The following KCNC1 variants were observed in gnomAD, a reference collection of about 807,000 sequenced individuals.
The protein encoded by KCNC1 is voltage-gated potassium channel KCNC1.
Under a neutral mutation model 43.4 loss-of-function variants are expected in KCNC1, and 8 were observed. The ratio of observed to expected loss-of-function variants is 0.18; its 90% CI spans 0.11 to 0.33. The LOEUF is 0.33. Among genes scored for constraint, KCNC1 ranks in the 10% least tolerant of loss-of-function variants. KCNC1 has a pLI of 1.00. For missense variants in KCNC1, 420 were observed against 836.0 expected (o/e 0.50, Z 6.14); for synonymous variants, 361 against 360.5 (o/e 1.00, Z -0.01).
intron 1 of KCNC1, among the ~76,000 whole-genome samples, chr11:17,744,690 T>C (rs1301760748): frequency 6.6e-6 from 1 of 151,924 alleles, no homozygotes; most frequent in Non-Finnish European, 1.5e-5. Flanking sequence ...GGCCAACTTC[T>C]ATGGTGTAGG....
At chr11:17,768,688 G>T (rs1473007633) in intron 1 of KCNC1, among the ~76,000 whole-genome samples, 1 of 151,732 alleles carries the variant, frequency 6.6e-6, no homozygotes, top group Non-Finnish European at 1.5e-5. Flanking sequence ...CCAGCCTTCA[G>T]CCAGGATTGA....
At chr11:17,745,245 G>A (rs573743938) in intron 1 of KCNC1, among the ~76,000 whole-genome samples, 1 of 152,270 alleles carries the variant, frequency 6.6e-6, no homozygotes, top group African/African-American at 2.4e-5. Context: ...TCCTTCCTGA[G>A]GCTGAGGCTT....
At chr11:17,756,557 A>ACACG (rs1270907749) in intron 1 of KCNC1, among the ~76,000 whole-genome samples, 1 of 146,752 alleles carries the variant, frequency 6.8e-6, no homozygotes, top group Non-Finnish European at 1.5e-5. Flanking sequence ...ACACACACAC[A>ACACG]CGCATGTACA....
Position 17,776,221 on chromosome 11 carries a change from T to A in KCNC1, c.1505-3235T>A, listed in dbSNP as rs1417268622. 8 of 985,326 alleles carry A rather than the reference T, an allele frequency of 8.1e-6. No individual in the cohort carries two copies. The highest frequency in any genetic ancestry group is 8.4e-6 in the Non-Finnish European group (7 of 829,956). 61.0% of individuals were successfully genotyped at this position (985,326 alleles called of 1,614,324 possible). A position where few individuals can be genotyped will look rare whatever the true frequency, so the allele number is the denominator to read the frequency against. The stretch of plus-strand genomic sequence containing the variant: ...TCTCTCTCTCCACTAATCATGTTTC[T>A]CTCTCTCTCCTCGTTTTGTTGCATG... On this transcript the variant is annotated intron_variant, in intron 2 of 3. Transcript: ENST00000265969. The surrounding 1 kb of genome is among the most constrained non-coding windows in gnomAD (Gnocchi z 4.4).
At chr11:17,741,814 G>A (rs1368010308) in intron 1 of KCNC1, among the ~76,000 whole-genome samples, 1 of 152,124 alleles carries the variant, frequency 6.6e-6, no homozygotes, top group African/African-American at 2.4e-5. Flanking sequence ...CCTGCCTCAG[G>A]GCCTTTGCAC....
intron 2 of KCNC1, among the ~76,000 whole-genome samples, chr11:17,778,337 T>C (rs1849308036): frequency 6.6e-6 from 1 of 152,122 alleles, no homozygotes; most frequent in Non-Finnish European, 1.5e-5. Context: ...CCAGGCTTCT[T>C]CTCAGGCTGC....
chr11:17,750,785 C>T (rs1156535915), intron 1 of KCNC1, among the ~76,000 whole-genome samples: 2 of 152,190 alleles, frequency 1.3e-5, no homozygotes, highest in Non-Finnish European at 2.9e-5. Context: ...CCTGCTAGGC[C>T]GGCTCTCATG....
intron 1 of KCNC1, among the ~76,000 whole-genome samples, chr11:17,745,434 C>A (rs2336851): frequency 1.3e-5 from 2 of 152,048 alleles, no homozygotes; most frequent in South Asian, 2.1e-4. Context: ...TGCATCGCAC[C>A]CCTCCACAGC....
intron 1 of KCNC1, among the ~76,000 whole-genome samples, chr11:17,748,952 G>A (rs1034893388): frequency 2.0e-5 from 3 of 152,164 alleles, no homozygotes; most frequent in Admixed American, 2.0e-4. Context: ...AGAGAAGTTG[G>A]TGAGGGAGAC....
In KCNC1 at chr11:17,773,146, C is replaced by G; in HGVS notation, c.1504+548C>G. The G allele has an allele frequency of 1.0e-6, 1 of 988,480 alleles. No homozygotes were observed. The highest frequency in any genetic ancestry group is 1.2e-6 in the Non-Finnish European group (1 of 832,110). 61.2% of individuals were successfully genotyped at this position (988,480 alleles called of 1,614,324 possible). On this transcript the variant is annotated intron_variant, in intron 2 of 3. Coordinates refer to ENST00000265969, the MANE Select transcript of KCNC1 (RefSeq NM_001112741.2). This position sits in a 1 kb window ranked among gnomAD's most constrained non-coding sequence, Gnocchi z 4.1. ...CCCCCGGCAGAGCCTGTCTCCATAG[C>G]TGAGTAGAATTCCTGCCCTGATTTC...
chr11:17,755,502 CA>C (rs1333331514), intron 1 of KCNC1, among the ~76,000 whole-genome samples: 6 of 152,104 alleles, frequency 3.9e-5, no homozygotes, highest in African/African-American at 1.4e-4. Flanking sequence ...TGGGTGGTCA[CA>C]GCAGTGATGG....
At chr11:17,759,308 GGGA>G (rs966111625) in intron 1 of KCNC1, among the ~76,000 whole-genome samples, 1 of 152,220 alleles carries the variant, frequency 6.6e-6, no homozygotes, top group Admixed American at 6.5e-5. Context: ...TTTGGCTTAA[GGGA>G]ATGTTGTGGC....
rs193203620 is a variant in KCNC1, at chr11:17,749,266, G to A, written c.570+12694G>A. On this transcript the variant is annotated intron_variant, in intron 1 of 3. Transcript: ENST00000265969. ...AAGGCCCTCTGGCTCACTGCACTGCGAGCACTGGTGCGCACGTGATGCCCA... is the reference window on the plus strand; with the variant it reads ...AAGGCCCTCTGGCTCACTGCACTGCAAGCACTGGTGCGCACGTGATGCCCA... Among the ~76,000 whole-genome samples the A allele has an allele frequency of 6.9e-3, 1,053 of 152,368 alleles. 12 individuals carry two copies. The highest frequency in any genetic ancestry group is 8.3e-3 in the Non-Finnish European group (568 of 68,030).
At chr11:17,755,464 C>T (rs939904116) in intron 1 of KCNC1, among the ~76,000 whole-genome samples, 22 of 151,994 alleles carry the variant, frequency 1.4e-4, no homozygotes, top group Non-Finnish European at 2.6e-4. Context: ...TTACCATGAC[C>T]CGGGGGGAAA....
intron 1 of KCNC1, among the ~76,000 whole-genome samples, chr11:17,760,198 A>G (rs1370101883): frequency 3.3e-5 from 5 of 152,384 alleles, no homozygotes; most frequent in South Asian, 4.1e-4. Context: ...CAGGTAAAGG[A>G]TTCGCCTAGA....
rs374003579 is a variant in KCNC1 at position 17,779,717 on chromosome 11, G to A, written c.1693+73G>A. 105 of 1,226,402 alleles carry A rather than the reference G, an allele frequency of 8.6e-5. 1 individual carries two copies. In the South Asian group the frequency reaches 1.3e-3, roughly 15 times the overall value. The allele number at this position is 1,226,402 out of a possible 1,614,324, so 76.0% of individuals were successfully genotyped here. On this transcript the variant is annotated intron_variant, in intron 3 of 3. Transcript: ENST00000265969. This position sits in a 1 kb window ranked among gnomAD's most constrained non-coding sequence, Gnocchi z 7.2. The stretch of plus-strand genomic sequence containing the variant: ...GCTCCTGCAGATGGGTGGGCAGGGC[G>A]GCGGGCAAGGGCGCTGAGGGGCAGG...
chr11:17,760,608 C>A (rs1308806906), intron 1 of KCNC1, among the ~76,000 whole-genome samples: 1 of 152,156 alleles, frequency 6.6e-6, no homozygotes, highest in African/African-American at 2.4e-5. Context: ...CCCCTAGGGC[C>A]CTCTGTACCT....
At position 17,736,443 on chromosome 11, in the gene KCNC1, C is replaced by A; in HGVS notation, c.441C>A (p.Asp147Glu). 6.2e-7 allele frequency: 1 copy of A among 1,605,214 alleles called. No individual in the cohort carries two copies. The highest frequency in any genetic ancestry group is 8.5e-7 in the Non-Finnish European group (1 of 1,178,090). ...CTGGCGACTCGGGCGACGGCGAGGA[C>A]GAGCTGGAGATGACCAAGCGCCTGG... ...DGPGDSGDGE[D>E]ELEMTKRLAL... The change falls in exon 1 of 4, where the codon GAC (aspartate) becomes GAA (glutamate). Residue 147 changes from aspartate to glutamate, a missense_variant. Around this residue, in one of 5 missense-constraint regions of KCNC1, gnomAD observed 151 missense variants for 216.7 expected, o/e 0.70. Coordinates refer to ENST00000265969, the MANE Select transcript of KCNC1 (RefSeq NM_001112741.2). This position sits in a 1 kb window ranked among gnomAD's most constrained non-coding sequence, Gnocchi z 9.3.
Position 17,777,393 on chromosome 11 carries a change from C to T in KCNC1, c.1505-2063C>T, listed in dbSNP as rs371371007. The T allele has an allele frequency of 3.2e-5, 32 of 985,796 alleles. No individual in the cohort carries two copies. In the East Asian group the frequency reaches 7.9e-4, roughly 24 times the overall value. The allele number at this position is 985,796 out of a possible 1,614,324, so 61.1% of individuals were successfully genotyped here. ...TGCCTGGGAGGACCCACTGTTCTCC[C>T]CTTGAGGAAAATCCATGCAGGGTGC... On this transcript the variant is annotated intron_variant, in intron 2 of 3. Coordinates refer to ENST00000265969, the MANE Select transcript of KCNC1 (RefSeq NM_001112741.2). The surrounding 1 kb of genome is among the most constrained non-coding windows in gnomAD (Gnocchi z 4.3).
Sources: allele counts gnomAD v4.1 joint callset (sites outside exome capture counted in the v4.1 genomes callset), GRCh38; gene constraint gnomAD v4.1.1; regional missense constraint gnomAD v4.1.1; non-coding constraint Gnocchi (gnomAD v3.1); transcripts MANE v1.5; gene names NCBI Gene and HGNC (gene_info 2026-07-23, HGNC 2026-07-21).